Variants in CHST10 observed in about 807,000 individuals in gnomAD.
CHST10 encodes HNK-1 sulfotransferase.
Under a neutral mutation model 34.7 loss-of-function variants are expected in CHST10, and 24 were observed. The observed-to-expected ratio is 0.69, with a 90% confidence interval of 0.50 to 0.97. The LOEUF is 0.97. Among genes scored for constraint, CHST10 ranks in the 50% least tolerant of loss-of-function variants. The probability of loss-of-function intolerance (pLI) is 0.00; values close to 1 mark genes in which losing one functional copy is unlikely to be tolerated. For synonymous variants in CHST10, 161 were observed against 169.3 expected (o/e 0.95, Z 0.38); for missense variants, 402 against 452.1 (o/e 0.89, Z 1.00).
chr2:100,403,557 G>C (rs1207316453), intron 3 of CHST10, among the ~76,000 whole-genome samples: 3 of 152,130 alleles, frequency 2.0e-5, no homozygotes, highest in Non-Finnish European at 4.4e-5. Context: ...GCTCTTCCTA[G>C]GGGCTCCAGT....
chr2:100,404,292 CGG>C (rs1675470454), intron 3 of CHST10, among the ~76,000 whole-genome samples: 1 of 152,122 alleles, frequency 6.6e-6, no homozygotes, highest in Non-Finnish European at 1.5e-5. Flanking sequence ...GCCCCTGCCT[CGG>C]GGTCAGGGGC....
rs368455898 is a variant in CHST10, at chr2:100,393,748, C to G, written c.568G>C (p.Asp190His). 1.2e-5 allele frequency: 19 copies of G among 1,611,302 alleles called. No individual in the cohort carries two copies. The African/African-American group carries it at 2.5e-4, about 22-fold the overall frequency. Reference protein sequence around the residue: ...KTYFKFFIVRDPFERLISAFK... With the variant: ...KTYFKFFIVRHPFERLISAFK... ...GCAGAAATAAGTCTTTCGAAGGGAT[C>G]TCTTACAATAAAAAACTTGAAGTAT... The change falls in exon 7 of 7, where the codon GAT becomes CAT. Residue 190 changes from aspartate (D) to histidine (H), a missense_variant. Coordinates refer to ENST00000264249, the MANE Select transcript of CHST10 (RefSeq NM_004854.5).
chr2:100,405,500 A>G (rs1675529085), intron 3 of CHST10, among the ~76,000 whole-genome samples: 2 of 152,170 alleles, frequency 1.3e-5, no homozygotes, highest in Admixed American at 1.3e-4. Flanking sequence ...CAGGAGGTGT[A>G]GGACATCGGG....
chr2:100,415,402 C>A (rs1450554127), intron 1 of CHST10, among the ~76,000 whole-genome samples: 2 of 152,118 alleles, frequency 1.3e-5, no homozygotes, highest in Non-Finnish European at 2.9e-5. Flanking sequence ...ATGCCTGTTT[C>A]GTATGTTTGA....
rs150381905 is a variant in CHST10, at chr2:100,409,585, G to A, written c.-32-2878C>T. On this transcript the variant is annotated intron_variant, in intron 2 of 6. Coordinates refer to ENST00000264249, the MANE Select transcript of CHST10 (RefSeq NM_004854.5). ...GGTCAGGGACTGGTCTGCACTCACC[G>A]TCTCCGTAGCTAGTCTTTCACCCGG... Among the ~76,000 whole-genome samples, 173 of 151,310 alleles carry A rather than the reference G, an allele frequency of 1.1e-3. 1 individual carries two copies. Among genetic ancestry groups the A allele is most frequent in the African/African-American group, 3.9e-3 (161 of 41,166 alleles).
chr2:100,409,409 G>C (rs1675723328), intron 2 of CHST10, among the ~76,000 whole-genome samples: 1 of 152,208 alleles, frequency 6.6e-6, no homozygotes, highest in South Asian at 2.1e-4. Context: ...GTTGAAAACT[G>C]AGAGGTGCAC....
intron 4 of CHST10, 144 bp from the exon 5 acceptor site, chr2:100,398,286 C>A (rs1386248460): frequency 3.2e-6 from 2 of 616,618 alleles, no homozygotes; most frequent in South Asian, 4.3e-5. Flanking sequence ...TACAGAGTGA[C>A]ACCCACTATC....
intron 5 of CHST10, among the ~76,000 whole-genome samples, chr2:100,397,361 T>C (rs1675108894): frequency 6.6e-6 from 1 of 152,250 alleles, no homozygotes; most frequent in African/African-American, 2.4e-5. Flanking sequence ...GACTCAATCC[T>C]CTGAACACAG....
intron 5 of CHST10, 91 bp downstream of exon 5, chr2:100,397,816 CT>C: frequency 9.7e-7 from 1 of 1,027,328 alleles, no homozygotes; most frequent in East Asian, 2.4e-5. Flanking sequence ...CAAACCAGCC[CT>C]CTTGTGACTC....
chr2:100,406,948 GAGA>G (rs1289531199), intron 2 of CHST10, among the ~76,000 whole-genome samples: 1 of 152,134 alleles, frequency 6.6e-6, no homozygotes, highest in Admixed American at 6.5e-5. Context: ...ATGATAATGA[GAGA>G]AGACCACTTC....
At chr2:100,407,090 AG>A (rs1308273630) in intron 2 of CHST10, among the ~76,000 whole-genome samples, 1 of 152,158 alleles carries the variant, frequency 6.6e-6, no homozygotes, top group Non-Finnish European at 1.5e-5. Context: ...AGGCCTGCCA[AG>A]GACTAGGCCT....
rs746651435 is a variant in CHST10 at position 100,397,888 on chromosome 2, T to C, written c.427+20A>G. 6.3e-7 allele frequency: 1 copy of C among 1,585,290 alleles called. No homozygotes were observed. Among genetic ancestry groups the C allele is most frequent in the South Asian group, 1.2e-5 (1 of 86,476 alleles). On this transcript the variant is annotated intron_variant, in intron 5 of 6. Coordinates refer to ENST00000264249, the MANE Select transcript of CHST10 (RefSeq NM_004854.5). ...CCACCAAGACCCTTCCCAGTGGACA[T>C]TCAGTAGACCCACACACACCATTTA...
In CHST10 at chr2:100,404,270, T is replaced by C. The variant is rs866114465; in HGVS notation, c.101-1615A>G. On this transcript the variant is annotated intron_variant, in intron 3 of 6. Coordinates refer to ENST00000264249, the MANE Select transcript of CHST10 (RefSeq NM_004854.5). The stretch of plus-strand genomic sequence containing the variant: ...GCACACTGTGCGGCCAACAGCATCC[T>C]CACCACCAGCAGCCCCTGCCTCGGG... Among the ~76,000 whole-genome samples the C allele has an allele frequency of 1.3e-5, 2 of 152,236 alleles. 1 individual carries two copies. Among genetic ancestry groups the C allele is most frequent in the South Asian group, 4.1e-4 (2 of 4,820 alleles).
Position 100,395,538 on chromosome 2 carries a change from A to G in CHST10, c.504T>C (p.Ser168=). 5 of 1,613,922 alleles carry G rather than the reference A, an allele frequency of 3.1e-6. No homozygotes were observed. The highest frequency in any genetic ancestry group is 3.4e-6 in the Non-Finnish European group (4 of 1,179,820). The change falls in exon 6 of 7, where the codon TCT becomes TCC. Residue 168 remains serine, a synonymous_variant. Coordinates refer to ENST00000264249, the MANE Select transcript of CHST10 (RefSeq NM_004854.5). ...TCTGAATTTCTGCATCACTGAAGGAAGAGAGCCGAGGAAGGCCGTTCTTCT... is the reference window on the plus strand; with the variant it reads ...TCTGAATTTCTGCATCACTGAAGGAGGAGAGCCGAGGAAGGCCGTTCTTCT... ...DHEKNGLPRL[S]SFSDAEIQKR...
intron 2 of CHST10, 24 bp downstream of exon 2, chr2:100,415,017 G>A (rs1362094212): frequency 1.5e-6 from 2 of 1,295,532 alleles, no homozygotes; most frequent in African/African-American, 3.1e-5. Context: ...AATAACTGAT[G>A]AGCTCACATT....
chr2:100,417,231 G>A, intron 1 of CHST10, 143 bp downstream of exon 1: 1 of 423,708 alleles, frequency 2.4e-6, no homozygotes, highest in Admixed American at 2.7e-5. Context: ...CGCGAACTAG[G>A]GAGGTCTTCA....
At chr2:100,413,521 A>G (rs1675936488) in intron 2 of CHST10, among the ~76,000 whole-genome samples, 3 of 152,206 alleles carry the variant, frequency 2.0e-5, no homozygotes, top group African/African-American at 4.8e-5. Context: ...CAGGGAAGGA[A>G]GAATCTACAA....
chr2:100,416,173 G>A (rs1391950700), intron 1 of CHST10: 2 of 152,126 alleles, frequency 1.3e-5, no homozygotes, highest in Non-Finnish European at 2.9e-5. Flanking sequence ...CAATCTCTAA[G>A]GTCCTGCAAC....
In CHST10 at chr2:100,393,784, T is replaced by C; in HGVS notation, c.534-2A>G. 6.2e-7 allele frequency: 1 copy of C among 1,600,862 alleles called. No individual in the cohort carries two copies. The highest frequency in any genetic ancestry group is 8.5e-7 in the Non-Finnish European group (1 of 1,176,886). ...AAAAACTTGAAGTATGTTTTCAATC[T>C]AAGGAAAAAAACGAACAAGAGGTTA... On this transcript the variant is annotated splice_acceptor_variant, in intron 6 of 6. Transcript: ENST00000264249. LOFTEE classifies it high-confidence loss of function.
Sources: gnomAD v4.1 joint callset for allele counts (sites outside exome capture counted in the v4.1 genomes callset) on GRCh38, gnomAD v4.1.1 for gene constraint, MANE v1.5 for transcripts, NCBI Gene and HGNC (gene_info 2026-07-23, HGNC 2026-07-21) for gene names.